QRFPR: variants seen among roughly 807,000 people sequenced by gnomAD.
QRFPR encodes pyroglutamylated RF-amide peptide receptor.
Under a neutral mutation model 31.3 loss-of-function variants are expected in QRFPR, and 37 were observed. The ratio of observed to expected loss-of-function variants is 1.18; its 90% CI spans 0.91 to 1.56. The LOEUF (loss-of-function observed/expected upper bound fraction) is 1.56. QRFPR is among the 40% of genes most tolerant of loss of function. The probability of loss-of-function intolerance (pLI) is 0.00; values close to 1 mark genes in which losing one functional copy is unlikely to be tolerated. For missense variants in QRFPR, 542 were observed against 532.5 expected, an observed-to-expected ratio of 1.02 and a Z score of -0.18; for synonymous variants, 197 against 192.0, an observed-to-expected ratio of 1.03 and a Z score of -0.22.
intron 1 of QRFPR, among the ~76,000 whole-genome samples, chr4:121,353,001 C>T (rs948878897): frequency 6.6e-6 from 1 of 152,000 alleles, no homozygotes; most frequent in African/African-American, 2.4e-5. Flanking sequence ...TTTCACTCAA[C>T]ATAACGTCCT....
Position 121,355,451 on chromosome 4 carries a change from C to T in QRFPR, c.341-14841G>A, listed in dbSNP as rs1002706590. On this transcript the variant is annotated intron_variant, in intron 1 of 5. Coordinates refer to ENST00000394427, the MANE Select transcript of QRFPR (RefSeq NM_198179.3). ...TGTCTCTTGTTTTATTTGAGTCACT[C>T]TCCTTTTTTCAGTCAGATTAAAGGT... 1.1e-4 allele frequency among the ~76,000 whole-genome samples: 17 copies of T among 152,040 alleles called. 1 individual carries two copies. The highest frequency in any genetic ancestry group is 2.4e-4 in the Non-Finnish European group (16 of 67,952).
chr4:121,368,558 T>C (rs1318473903), intron 1 of QRFPR, among the ~76,000 whole-genome samples: 2 of 150,172 alleles, frequency 1.3e-5, no homozygotes, highest in Admixed American at 1.3e-4. Context: ...ATCCATTAGG[T>C]CTACCAAAAA....
intron 1 of QRFPR, among the ~76,000 whole-genome samples, chr4:121,341,225 T>A (rs1429904644): frequency 6.6e-6 from 1 of 152,248 alleles, no homozygotes; most frequent in African/African-American, 2.4e-5. Flanking sequence ...GAATGTATTG[T>A]CAATCTTTTA....
At chr4:121,342,172 C>G (rs1433390281) in intron 1 of QRFPR, among the ~76,000 whole-genome samples, 1 of 152,192 alleles carries the variant, frequency 6.6e-6, no homozygotes, top group Non-Finnish European at 1.5e-5. Context: ...TTGCTCTCTG[C>G]TGAAACTGGA....
At chr4:121,333,098 C>A in intron 3 of QRFPR, 42 bp from the exon 4 acceptor site, 1 of 1,343,068 alleles carries the variant, frequency 7.4e-7, no homozygotes, top group Non-Finnish European at 1.0e-6. Flanking sequence ...CAGTAGTCAG[C>A]ATCAAAAAAC....
intron 1 of QRFPR, among the ~76,000 whole-genome samples, chr4:121,365,565 TTATATATA>T (rs1198249782): frequency 0.52 from 8,460 of 16,304 alleles, 1,877 homozygotes; most frequent in Middle Eastern, 0.62. Context: ...ATAATATATA[TTATATATA>T]ATATATATTA....
chr4:121,337,258 C>T (rs570358395), intron 2 of QRFPR, among the ~76,000 whole-genome samples: 2 of 152,258 alleles, frequency 1.3e-5, no homozygotes, highest in African/African-American at 4.8e-5. Flanking sequence ...GAATGCACTG[C>T]GCCACTCCCT....
At chr4:121,336,953 A>G (rs996853830) in intron 2 of QRFPR, 85 bp from the exon 3 acceptor site, 5 of 1,216,102 alleles carry the variant, frequency 4.1e-6, no homozygotes, top group African/African-American at 1.5e-5. Context: ...AAGATTCCCT[A>G]TGAGAGGGCA....
rs566595022 is a variant in QRFPR, at chr4:121,377,124, G to A, written c.340+3184C>T. On this transcript the variant is annotated intron_variant, in intron 1 of 5. Coordinates refer to ENST00000394427, the MANE Select transcript of QRFPR (RefSeq NM_198179.3). ...TAGAGATGTTTTCTTTTACCTGATT[G>A]CATTTTACTTTTTGTATTTGACTTA... is the stretch of plus-strand genomic sequence containing the variant. Among the ~76,000 whole-genome samples, 8 of 152,252 alleles carry A rather than the reference G, an allele frequency of 5.3e-5. No individual in the cohort carries two copies. In the South Asian group the frequency reaches 8.3e-4, roughly 16 times the overall value.
chr4:121,341,067 C>T (rs530232045), intron 1 of QRFPR, among the ~76,000 whole-genome samples: 1 of 152,264 alleles, frequency 6.6e-6, no homozygotes, highest in African/African-American at 2.4e-5. Flanking sequence ...CCTTTGACTC[C>T]CTGCCTAAGA....
chr4:121,350,534 C>T (rs940462738), intron 1 of QRFPR, among the ~76,000 whole-genome samples: 1 of 152,156 alleles, frequency 6.6e-6, no homozygotes, highest in Non-Finnish European at 1.5e-5. Flanking sequence ...GAGTAACAAT[C>T]ACAAAGAATG....
intron 1 of QRFPR, among the ~76,000 whole-genome samples, chr4:121,365,077 G>A (rs1726066365): frequency 6.7e-6 from 1 of 149,524 alleles, no homozygotes; most frequent in African/African-American, 2.5e-5. Context: ...CTTCATCATT[G>A]CTACAAAATA....
At chr4:121,336,132 T>C (rs1725430658) in intron 3 of QRFPR, among the ~76,000 whole-genome samples, 1 of 152,186 alleles carries the variant, frequency 6.6e-6, no homozygotes, top group Non-Finnish European at 1.5e-5. Flanking sequence ...TTAAAACTTA[T>C]CTTAGGGGGT....
At chr4:121,368,689 C>T (rs1450193455) in intron 1 of QRFPR, among the ~76,000 whole-genome samples, 1 of 143,592 alleles carries the variant, frequency 7.0e-6, no homozygotes, top group African/African-American at 2.6e-5. Flanking sequence ...ACAGCACCAG[C>T]CATCAACAGG....
chr4:121,336,879 G>A lies in QRFPR; in HGVS notation c.500-11C>T. 16 of 1,612,878 alleles carry A rather than the reference G, an allele frequency of 9.9e-6. No homozygotes were observed. The highest frequency in any genetic ancestry group is 1.3e-5 in the African/African-American group (1 of 75,020). On this transcript the variant is annotated splice_polypyrimidine_tract_variant and intron_variant, in intron 2 of 5. Coordinates refer to ENST00000394427, the MANE Select transcript of QRFPR (RefSeq NM_198179.3). The stretch of plus-strand genomic sequence containing the variant: ...CCAGCCAGACCACACCTGTAAAAGT[G>A]TTAAAGTCATGAGAGTATGACTCAG...
intron 2 of QRFPR, among the ~76,000 whole-genome samples, chr4:121,337,367 C>G (rs1436879623): frequency 6.6e-6 from 1 of 152,168 alleles, no homozygotes; most frequent in African/African-American, 2.4e-5. Context: ...CTACTATTTC[C>G]AAATAAACTG....
intron 3 of QRFPR, among the ~76,000 whole-genome samples, chr4:121,335,594 G>A (rs1725420566): frequency 7.7e-6 from 1 of 130,704 alleles, no homozygotes; most frequent in Admixed American, 8.4e-5. Context: ...GTGGGGCGGG[G>A]AGAGGAGTGG....
At chr4:121,363,465 T>C (rs370785582) in intron 1 of QRFPR, among the ~76,000 whole-genome samples, 1 of 150,164 alleles carries the variant, frequency 6.7e-6, no homozygotes, top group Non-Finnish European at 1.5e-5. Flanking sequence ...GAACCATCAT[T>C]GCTACAAAAT....
intron 1 of QRFPR, among the ~76,000 whole-genome samples, chr4:121,355,372 A>G (rs1373252135): frequency 6.6e-6 from 1 of 152,146 alleles, no homozygotes; most frequent in Admixed American, 6.6e-5. Context: ...TTCTCATAAC[A>G]GTCTCTAATG....
Sources: allele counts gnomAD v4.1 joint callset (sites outside exome capture counted in the v4.1 genomes callset), GRCh38; gene constraint gnomAD v4.1.1; transcripts MANE v1.5; gene names NCBI Gene and HGNC (gene_info 2026-07-23, HGNC 2026-07-21).